The following RBFOX1 variants were observed in gnomAD, a reference collection of about 807,000 sequenced individuals.
The protein encoded by RBFOX1 is RNA binding protein fox-1 homolog 1.
RBFOX1 carries 8 observed loss-of-function variants against 57.7 expected under a neutral mutation model. That is an observed-to-expected ratio of 0.14 (90% confidence interval 0.08 to 0.25). The LOEUF is 0.25. Among genes scored for constraint, RBFOX1 ranks in the 10% least tolerant of loss-of-function variants. RBFOX1 has a pLI of 1.00. For synonymous variants in RBFOX1, 326 were observed against 222.4 expected (o/e 1.47, Z -4.15); for missense variants, 611 against 548.5 (o/e 1.11, Z -1.14).
chr16:7,428,037 G>C (rs573847095), intron 4 of RBFOX1, among the ~76,000 whole-genome samples: 56 of 152,214 alleles, frequency 3.7e-4, no homozygotes, highest in African/African-American at 1.2e-3. Flanking sequence ...CATCCTAAAA[G>C]TTCTTACCTG....
At chr16:6,919,569 C>T (rs1468005617) in intron 3 of RBFOX1, among the ~76,000 whole-genome samples, 1 of 152,156 alleles carries the variant, frequency 6.6e-6, no homozygotes, top group East Asian at 1.9e-4. Context: ...TCTCCACTTC[C>T]TATGGCTTGA....
intron 1 of RBFOX1, among the ~76,000 whole-genome samples, chr16:6,090,595 A>G (rs376037212): frequency 2.7e-4 from 41 of 152,330 alleles, no homozygotes; most frequent in African/African-American, 7.7e-4. Context: ...TTGTAGATCA[A>G]TGAGTTTTGT....
At chr16:7,664,586 C>T (rs2068682227) in intron 12 of RBFOX1, among the ~76,000 whole-genome samples, 1 of 152,062 alleles carries the variant, frequency 6.6e-6, no homozygotes, top group African/African-American at 2.4e-5. Context: ...CAACTCTGAC[C>T]TGTTAAGATG....
chr16:7,406,764 G>A (rs147943281), intron 4 of RBFOX1, among the ~76,000 whole-genome samples: 1 of 152,152 alleles, frequency 6.6e-6, no homozygotes, highest in Non-Finnish European at 1.5e-5. Flanking sequence ...GCGTTCCAGA[G>A]GCAAAAAGAC....
intron 7 of RBFOX1, among the ~76,000 whole-genome samples, chr16:7,592,552 A>C (rs2094497232): frequency 6.6e-6 from 1 of 152,190 alleles, no homozygotes; most frequent in Non-Finnish European, 1.5e-5. Flanking sequence ...CTGGCCCTCC[A>C]GCTATACCAG....
chr16:6,612,849 C>CAAAA (rs539098192), intron 2 of RBFOX1, among the ~76,000 whole-genome samples: 12 of 103,072 alleles, frequency 1.2e-4, no homozygotes, highest in East Asian at 4.7e-4. Context: ...GACTCTCTCT[C>CAAAA]AAAAAAAAAA....
At chr16:5,270,309 A>G in intron 1 of RBFOX1, 1 of 692,446 alleles carries the variant, frequency 1.4e-6, no homozygotes, top group Non-Finnish European at 2.6e-6. Flanking sequence ...AAATATTGGA[A>G]AGACTTGGTC....
intron 2 of RBFOX1, among the ~76,000 whole-genome samples, chr16:6,337,135 A>G (rs2083878314): frequency 6.6e-6 from 1 of 152,168 alleles, no homozygotes; most frequent in Non-Finnish European, 1.5e-5. Flanking sequence ...CTTTATATTT[A>G]TCCATGTTAT....
Position 6,919,368 on chromosome 16 carries a change from C to G in RBFOX1, c.-15-132689C>G, listed in dbSNP as rs549891393. 3.3e-5 allele frequency among the ~76,000 whole-genome samples: 5 copies of G among 152,116 alleles called. 1 individual carries two copies. The highest frequency in any genetic ancestry group is 1.2e-4 in the African/African-American group (5 of 41,412). On this transcript the variant is annotated intron_variant, in intron 3 of 15. Transcript: ENST00000550418. The stretch of plus-strand genomic sequence containing the variant: ...TCTCCAAATTAATTCCTCACAACAG[C>G]CCAGCAGTTTAGGTTCTCTTATTAG...
intron 1 of RBFOX1, among the ~76,000 whole-genome samples, chr16:5,358,328 A>G (rs910375627): frequency 1.4e-5 from 2 of 143,422 alleles, no homozygotes; most frequent in Non-Finnish European, 2.9e-5. Flanking sequence ...TAATCTTTTT[A>G]TGCCTGCATA....
intron 2 of RBFOX1, among the ~76,000 whole-genome samples, chr16:5,540,562 C>T (rs2342432): frequency 0.31 from 47,275 of 152,012 alleles, 8,708 homozygotes; most frequent in East Asian, 0.86. Context: ...TCCACAGTAA[C>T]GGATCTTTAG....
At chr16:6,864,989 CTTTTTCTTTTTTTTTTTTT>C in intron 3 of RBFOX1, among the ~76,000 whole-genome samples, 1 of 105,806 alleles carries the variant, frequency 9.5e-6, no homozygotes, top group South Asian at 3.4e-4. Flanking sequence ...GTGGGTTTTT[CTTTTTCTTTTTTTTTTTTT>C]TTTTTTTTTT....
chr16:5,307,756 C>G (rs1183526421), intron 1 of RBFOX1, among the ~76,000 whole-genome samples: 2 of 152,170 alleles, frequency 1.3e-5, no homozygotes, highest in Admixed American at 1.3e-4. Flanking sequence ...TTACGGCAAC[C>G]TCAAAATCCA....
chr16:6,997,236 G>A (rs1305633626), intron 3 of RBFOX1, among the ~76,000 whole-genome samples: 1 of 152,000 alleles, frequency 6.6e-6, no homozygotes, highest in Non-Finnish European at 1.5e-5. Context: ...TCCCTTTGAA[G>A]ACTAGAGTGA....
chr16:7,707,395 G>C (rs1285082824), intron 14 of RBFOX1, among the ~76,000 whole-genome samples: 2 of 151,920 alleles, frequency 1.3e-5, no homozygotes, highest in African/African-American at 4.8e-5. Flanking sequence ...GGAAAATGGG[G>C]GGAAAACAGG....
At chr16:7,159,765 C>A (rs912299065) in intron 4 of RBFOX1, among the ~76,000 whole-genome samples, 2 of 152,172 alleles carry the variant, frequency 1.3e-5, no homozygotes, top group African/African-American at 4.8e-5. Flanking sequence ...TTCCTCCCTC[C>A]CATCAAATAA....
chr16:6,154,786 A>T (rs1351631810), intron 1 of RBFOX1, among the ~76,000 whole-genome samples: 1 of 152,190 alleles, frequency 6.6e-6, no homozygotes, highest in Non-Finnish European at 1.5e-5. Flanking sequence ...TACTAATGTG[A>T]CTACAGGTCG....
intron 3 of RBFOX1, among the ~76,000 whole-genome samples, chr16:6,750,911 G>A (rs1472601119): frequency 6.6e-6 from 1 of 152,188 alleles, no homozygotes; most frequent in Non-Finnish European, 1.5e-5. Context: ...CTTCAGATTA[G>A]TGGGCTAGGG....
chr16:7,176,980 C>A (rs1450443482), intron 4 of RBFOX1, among the ~76,000 whole-genome samples: 1 of 151,972 alleles, frequency 6.6e-6, no homozygotes, highest in Non-Finnish European at 1.5e-5. Flanking sequence ...AGGTAGTTTT[C>A]AATAGAAAAA....
Sources: gnomAD v4.1 joint callset for allele counts (sites outside exome capture counted in the v4.1 genomes callset) on GRCh38, gnomAD v4.1.1 for gene constraint, MANE v1.5 for transcripts, NCBI Gene and HGNC (gene_info 2026-07-23, HGNC 2026-07-21) for gene names.